CTNNA2: variants seen among roughly 807,000 people sequenced by gnomAD.
CTNNA2 encodes catenin alpha 2, also known as catenin alpha-2.
A neutral mutation model predicts 101.0 loss-of-function variants in CTNNA2; 42 were observed. The ratio of observed to expected loss-of-function variants is 0.42; its 90% CI spans 0.32 to 0.54. The LOEUF (loss-of-function observed/expected upper bound fraction) is 0.54. Ranked by LOEUF, CTNNA2 falls within the 20% of genes least tolerant of loss-of-function variation. CTNNA2 has a pLI of 0.14. For synonymous variants in CTNNA2, 450 were observed against 456.4 expected, an observed-to-expected ratio of 0.99 and a Z score of 0.18; for missense variants, 871 against 1,223.1, an observed-to-expected ratio of 0.71 and a Z score of 4.29.
intron 2 of CTNNA2, among the ~76,000 whole-genome samples, chr2:79,289,272 T>G (rs187607845): frequency 6.6e-6 from 1 of 152,330 alleles, no homozygotes; most frequent in East Asian, 1.9e-4. Context: ...ATGTTAGTTT[T>G]TTTTCTTTGG....
At chr2:79,339,785 A>G (rs182707310) in intron 3 of CTNNA2, 2 of 152,206 alleles carry the variant, frequency 1.3e-5, no homozygotes, top group East Asian at 3.9e-4. Context: ...ATCTTTGAAA[A>G]GAAAAATAAG....
chr2:79,986,028 G>C (rs1691736106), intron 7 of CTNNA2, among the ~76,000 whole-genome samples: 1 of 152,164 alleles, frequency 6.6e-6, no homozygotes, highest in Admixed American at 6.5e-5. Context: ...TGTATTCTTG[G>C]AAGTACATGG....
intron 7 of CTNNA2, among the ~76,000 whole-genome samples, chr2:80,009,026 C>G (rs1267793381): frequency 6.6e-6 from 1 of 152,172 alleles, no homozygotes; most frequent in East Asian, 1.9e-4. Flanking sequence ...GACATACATA[C>G]AAACTATGGC....
chr2:80,050,489 G>A (rs1182377281), intron 7 of CTNNA2, among the ~76,000 whole-genome samples: 3 of 152,156 alleles, frequency 2.0e-5, no homozygotes, highest in African/African-American at 7.2e-5. Flanking sequence ...TGTGCTCCCA[G>A]CTACCAGGCT....
At chr2:79,728,371 T>C (rs949862834) in intron 2 of CTNNA2, among the ~76,000 whole-genome samples, 4 of 152,232 alleles carry the variant, frequency 2.6e-5, no homozygotes, top group African/African-American at 9.6e-5. Flanking sequence ...GCTGCATAAA[T>C]GTCTTGTTTT....
intron 4 of CTNNA2, among the ~76,000 whole-genome samples, chr2:79,447,874 G>A (rs1010487103): frequency 2.6e-5 from 4 of 151,978 alleles, no homozygotes; most frequent in African/African-American, 7.2e-5. Context: ...TGGCTGCATT[G>A]ATCTAACTGG....
chr2:79,592,223 C>G (rs537623575), intron 1 of CTNNA2, among the ~76,000 whole-genome samples: 1 of 151,346 alleles, frequency 6.6e-6, no homozygotes, highest in Admixed American at 6.6e-5. Flanking sequence ...CGGGTTCAGG[C>G]GATTCTCCTG....
At chr2:80,234,098 A>G (rs1192059717) in intron 7 of CTNNA2, among the ~76,000 whole-genome samples, 2 of 151,792 alleles carry the variant, frequency 1.3e-5, no homozygotes, top group African/African-American at 4.8e-5. Context: ...CCAGGCTGGA[A>G]TGCAGTGGCA....
At chr2:79,534,848 A>T (rs1380065228) in intron 1 of CTNNA2, among the ~76,000 whole-genome samples, 1 of 151,446 alleles carries the variant, frequency 6.6e-6, no homozygotes, top group African/African-American at 2.4e-5. Flanking sequence ...ATATTTTTTC[A>T]TTTCTGATTT....
chr2:80,631,725 A>G (rs1672316360), intron 18 of CTNNA2, among the ~76,000 whole-genome samples: 2 of 152,204 alleles, frequency 1.3e-5, no homozygotes, highest in Admixed American at 6.6e-5. Flanking sequence ...ATTTAAAGGC[A>G]GTTGGAACTG....
At chr2:79,765,977 G>T in intron 3 of CTNNA2, among the ~76,000 whole-genome samples, 1 of 152,072 alleles carries the variant, frequency 6.6e-6, no homozygotes, top group East Asian at 1.9e-4. Context: ...TTTTTAAAGC[G>T]AATTCATTCT....
chr2:80,516,605 T>A (rs1689129682), intron 9 of CTNNA2, among the ~76,000 whole-genome samples: 1 of 152,212 alleles, frequency 6.6e-6, no homozygotes, highest in Non-Finnish European at 1.5e-5. Flanking sequence ...CTCAGGAACA[T>A]GTGAACTTTT....
At position 80,105,608 on chromosome 2, in the gene CTNNA2, A is replaced by T. The variant is rs140967872; in HGVS notation, c.1056+195811A>T. The stretch of plus-strand genomic sequence containing the variant: ...AAAAATAGCCAGGCATGGTTGGCGC[A>T]TGGCTGTGGTCCCAGCTATTTGGGA... On this transcript the variant is annotated intron_variant, in intron 7 of 18. Coordinates refer to ENST00000402739, the MANE Select transcript of CTNNA2 (RefSeq NM_001282597.3). Among the ~76,000 whole-genome samples, 113 of 152,160 alleles carry T rather than the reference A, an allele frequency of 7.4e-4. No homozygotes were observed. The East Asian group carries it at 0.022, about 29-fold the overall frequency.
chr2:80,281,945 T>TG (rs1447474563), intron 7 of CTNNA2, among the ~76,000 whole-genome samples: 1 of 147,442 alleles, frequency 6.8e-6, no homozygotes, highest in African/African-American at 2.6e-5. Context: ...TTTGGAAAGT[T>TG]TTTTTTTTTT....
intron 1 of CTNNA2, among the ~76,000 whole-genome samples, chr2:79,608,038 G>A (rs886644865): frequency 7.2e-5 from 11 of 151,760 alleles, no homozygotes; most frequent in African/African-American, 2.4e-4. Context: ...AGAGGGGGGC[G>A]AAAAGTAGAA....
chr2:79,863,448 T>C (rs1011835088), intron 4 of CTNNA2, among the ~76,000 whole-genome samples: 1 of 152,114 alleles, frequency 6.6e-6, no homozygotes, highest in African/African-American at 2.4e-5. Flanking sequence ...GGGCCTAGAT[T>C]CAATAAGTCG....
At chr2:80,333,838 G>A (rs1400775275) in intron 7 of CTNNA2, among the ~76,000 whole-genome samples, 2 of 152,172 alleles carry the variant, frequency 1.3e-5, no homozygotes, top group South Asian at 2.1e-4. Context: ...GGCCAGTCTG[G>A]TCTCAAACTC....
chr2:79,188,384 AT>A (rs1351374790), intron 1 of CTNNA2, among the ~76,000 whole-genome samples: 1 of 152,042 alleles, frequency 6.6e-6, no homozygotes, highest in Non-Finnish European at 1.5e-5. Flanking sequence ...GATTCTCATC[AT>A]TTTCTGGCTT....
At chr2:79,989,277 T>C (rs986527814) in intron 7 of CTNNA2, among the ~76,000 whole-genome samples, 1 of 152,210 alleles carries the variant, frequency 6.6e-6, no homozygotes, top group Non-Finnish European at 1.5e-5. Context: ...CTTAGCCTGC[T>C]CTCGGCTTTG....
Sources: gnomAD v4.1 joint callset for allele counts (sites outside exome capture counted in the v4.1 genomes callset) on GRCh38, gnomAD v4.1.1 for gene constraint, MANE v1.5 for transcripts, NCBI Gene and HGNC (gene_info 2026-07-23, HGNC 2026-07-21) for gene names.